ANKRD30BL: variants seen among roughly 807,000 people sequenced by gnomAD.
ANKRD30BL encodes ankyrin repeat domain 30B like.
A neutral mutation model predicts 18.4 loss-of-function variants in ANKRD30BL; 20 were observed. The ratio of observed to expected loss-of-function variants is 1.09; its 90% CI spans 0.77 to 1.58. The LOEUF (loss-of-function observed/expected upper bound fraction) is 1.58, where lower values mean the gene tolerates loss of function less well. Among genes scored for constraint, ANKRD30BL ranks in the 40% most tolerant of loss-of-function variants. The probability of loss-of-function intolerance (pLI) is 0.00; values close to 1 mark genes in which losing one functional copy is unlikely to be tolerated. For synonymous variants in ANKRD30BL, 72 were observed against 100.9 expected, an observed-to-expected ratio of 0.71 and a Z score of 1.72; for missense variants, 224 against 268.6, an observed-to-expected ratio of 0.83 and a Z score of 1.16.
At chr2:132,222,117 C>T (rs1422272241) in intron 1 of ANKRD30BL, among the ~76,000 whole-genome samples, 1 of 149,082 alleles carries the variant, frequency 6.7e-6, no homozygotes, top group African/African-American at 2.5e-5. Context: ...GCCAGCCGCC[C>T]TATCTGGGAG....
chr2:132,158,779 C>CATATATTACATATATTGAT (rs1323860837), intron 1 of ANKRD30BL, among the ~76,000 whole-genome samples: 143 of 150,248 alleles, frequency 9.5e-4, no homozygotes, highest in African/African-American at 3.2e-3. Flanking sequence ...TAATTATTGA[C>CATATATTACATATATTGAT]ATATATGTAA....
intron 1 of ANKRD30BL, among the ~76,000 whole-genome samples, chr2:132,171,618 T>A (rs550439738): frequency 3.3e-5 from 5 of 152,346 alleles, no homozygotes; most frequent in Middle Eastern, 6.8e-3. Flanking sequence ...ATTCCCTTTT[T>A]CTAATAAGTT....
At chr2:132,175,357 T>C (rs1277647628) in intron 1 of ANKRD30BL, among the ~76,000 whole-genome samples, 2 of 152,210 alleles carry the variant, frequency 1.3e-5, no homozygotes, top group Non-Finnish European at 2.9e-5. Context: ...GCCAGATTTA[T>C]GTTTCTCTCT....
chr2:132,244,966 T>G (rs570141520), intron 1 of ANKRD30BL, among the ~76,000 whole-genome samples: 1 of 152,414 alleles, frequency 6.6e-6, no homozygotes, highest in African/African-American at 2.4e-5. Context: ...TCTCAGAAAC[T>G]TCTTTGTGAT....
intron 1 of ANKRD30BL, among the ~76,000 whole-genome samples, chr2:132,174,642 A>G (rs954608266): frequency 1.3e-5 from 2 of 152,246 alleles, no homozygotes; most frequent in African/African-American, 4.8e-5. Flanking sequence ...AGGCGGCTAA[A>G]TATCAAAGTT....
chr2:132,176,637 A>C (rs1688371184), intron 1 of ANKRD30BL, among the ~76,000 whole-genome samples: 1 of 151,880 alleles, frequency 6.6e-6, no homozygotes, highest in South Asian at 2.1e-4. Flanking sequence ...ACAAAAACAA[A>C]AAAAAAGCCG....
intron 1 of ANKRD30BL, among the ~76,000 whole-genome samples, chr2:132,204,935 G>T (rs1393063429): frequency 2.1e-5 from 3 of 140,960 alleles, no homozygotes; most frequent in Non-Finnish European, 4.4e-5. Flanking sequence ...AAATATTGGA[G>T]TAAAAAAAAA....
intron 1 of ANKRD30BL, among the ~76,000 whole-genome samples, chr2:132,169,557 G>T (rs1230114920): frequency 6.8e-6 from 1 of 146,066 alleles, no homozygotes; most frequent in East Asian, 2.1e-4. Flanking sequence ...TGAGGCAGGA[G>T]AATCACTTGA....
intron 1 of ANKRD30BL, among the ~76,000 whole-genome samples, chr2:132,204,309 A>T (rs1344141766): frequency 2.6e-5 from 4 of 151,706 alleles, no homozygotes; most frequent in Admixed American, 1.3e-4. Flanking sequence ...ATGTCTCTCA[A>T]TATCAGTGAT....
intron 1 of ANKRD30BL, among the ~76,000 whole-genome samples, chr2:132,236,868 A>G (rs1680164821): frequency 2.6e-5 from 4 of 151,788 alleles, no homozygotes; most frequent in Admixed American, 2.0e-4. Flanking sequence ...AAGACTTGGA[A>G]CCAACCCAAA....
chr2:132,205,586 A>G (rs199720967), intron 1 of ANKRD30BL, among the ~76,000 whole-genome samples: 3,276 of 90,136 alleles, frequency 0.036, no homozygotes, highest in Middle Eastern at 0.06. Context: ...GGGTGAAAAG[A>G]GGGAAACTTC....
At chr2:132,200,573 A>G (rs553498238) in intron 1 of ANKRD30BL, among the ~76,000 whole-genome samples, 1 of 152,334 alleles carries the variant, frequency 6.6e-6, no homozygotes, top group South Asian at 2.1e-4. Flanking sequence ...AATACCTAGG[A>G]ATCGGACTTA....
At chr2:132,194,886 C>T (rs1409364015) in intron 1 of ANKRD30BL, among the ~76,000 whole-genome samples, 1 of 152,172 alleles carries the variant, frequency 6.6e-6, no homozygotes, top group East Asian at 1.9e-4. Flanking sequence ...CTGCACATCC[C>T]AGCAAATACC....
intron 1 of ANKRD30BL, among the ~76,000 whole-genome samples, chr2:132,239,952 T>C (rs1573880145): frequency 6.6e-6 from 1 of 151,916 alleles, no homozygotes; most frequent in African/African-American, 2.4e-5. Context: ...TTGGATAGCT[T>C]TGAGGATTTC....
intron 1 of ANKRD30BL, among the ~76,000 whole-genome samples, chr2:132,200,776 C>T (rs1398616017): frequency 2.6e-5 from 4 of 152,070 alleles, no homozygotes; most frequent in African/African-American, 4.8e-5. Context: ...ACTTTCTTCA[C>T]AGAATTGGAA....
intron 1 of ANKRD30BL, among the ~76,000 whole-genome samples, chr2:132,243,050 A>G (rs1360848162): frequency 1.3e-5 from 2 of 151,556 alleles, no homozygotes; most frequent in East Asian, 3.9e-4. Flanking sequence ...AAACGGGAAT[A>G]TCTTCACATA....
At chr2:132,257,111 C>G (rs547557704) in intron 1 of ANKRD30BL, 8 of 480,950 alleles carry the variant, frequency 1.7e-5, no homozygotes, top group Non-Finnish European at 2.5e-5. Flanking sequence ...CCCCAGGTCC[C>G]GCCATCAGGA....
chr2:132,200,734 C>G (rs1162792065), intron 1 of ANKRD30BL, among the ~76,000 whole-genome samples: 63 of 149,646 alleles, frequency 4.2e-4, no homozygotes, highest in East Asian at 2.3e-3. Context: ...GTAATTTACA[C>G]ATTCAATGCC....
chr2:132,195,726 CT>C (rs1678949822), intron 1 of ANKRD30BL, among the ~76,000 whole-genome samples: 1 of 139,496 alleles, frequency 7.2e-6, no homozygotes, highest in African/African-American at 2.7e-5. Context: ...AGGAGGCAGA[CT>C]TTGTAGTGAG....
Sources: gnomAD v4.1 joint callset for allele counts (sites outside exome capture counted in the v4.1 genomes callset) on GRCh38, gnomAD v4.1.1 for gene constraint, MANE v1.5 for transcripts, NCBI Gene and HGNC (gene_info 2026-07-23, HGNC 2026-07-21) for gene names.